PCDH15: variants seen among roughly 807,000 people sequenced by gnomAD.
PCDH15 encodes protocadherin-15.
In PCDH15, 129 loss-of-function variants were observed where a neutral mutation model predicts 178.5. That is an observed-to-expected ratio of 0.72 (90% CI 0.63 to 0.84). The LOEUF is 0.84. Among genes scored for constraint, PCDH15 ranks in the 40% least tolerant of loss-of-function variants. The probability of loss-of-function intolerance (pLI) is 0.00; values close to 1 mark genes in which losing one functional copy is unlikely to be tolerated. For synonymous variants in PCDH15, 800 were observed against 732.0 expected, an observed-to-expected ratio of 1.09 and a Z score of -1.50; for missense variants, 2,230 against 2,099.9, an observed-to-expected ratio of 1.06 and a Z score of -1.21.
chr10:55,577,550 A>G (rs1564462847), intron 2 of PCDH15, among the ~76,000 whole-genome samples: 1 of 152,188 alleles, frequency 6.6e-6, no homozygotes, highest in Non-Finnish European at 1.5e-5. Context: ...GTAAATTATT[A>G]TCAGTAACTA....
chr10:54,515,492 C>G lies in PCDH15; in HGVS notation c.157+12320G>C, dbSNP rs540783032. Among the ~76,000 whole-genome samples, 27 of 152,358 alleles carry G rather than the reference C, an allele frequency of 1.8e-4. 1 individual carries two copies. The highest frequency in any genetic ancestry group is 6.3e-4 in the African/African-American group (26 of 41,592). On this transcript the variant is annotated intron_variant, in intron 3 of 37. Coordinates refer to ENST00000644397, the MANE Select transcript of PCDH15 (RefSeq NM_001384140.1). ...AAACAAAGCAGCCAGGAAACTGGAA[C>G]TCGGTGGAGCCCACCACAGCTCAAG...
At chr10:54,366,142 C>T (rs9416326) in intron 5 of PCDH15, among the ~76,000 whole-genome samples, 6,692 of 152,140 alleles carry the variant, frequency 0.044, 493 homozygotes, top group African/African-American at 0.15. Flanking sequence ...ATTTATACTA[C>T]TGCTCCAGTT....
intron 11 of PCDH15, 58 bp from the exon 12 acceptor site, chr10:54,185,326 A>G: frequency 6.3e-7 from 1 of 1,591,856 alleles, no homozygotes; most frequent in Non-Finnish European, 8.6e-7. Context: ...CTATTAGTTC[A>G]TTACCTAGAA....
intron 15 of PCDH15, among the ~76,000 whole-genome samples, chr10:54,100,999 T>G (rs1256476884): frequency 6.6e-6 from 1 of 152,184 alleles, no homozygotes; most frequent in Admixed American, 6.5e-5. Flanking sequence ...AGATATTGGT[T>G]GATATGGCTT....
rs755647559 is a variant in PCDH15, at chr10:53,940,963, T to C, written c.3135A>G (p.Val1045=). 3 of 1,611,026 alleles carry C rather than the reference T, an allele frequency of 1.9e-6. No individual in the cohort carries two copies. The highest frequency in any genetic ancestry group is 1.1e-5 in the South Asian group (1 of 90,998). The stretch of plus-strand genomic sequence containing the variant: ...TGGTCCCTTTGGTGGCAAGTTCACT[T>C]ACTGGAGGAGGTCTGCAGGTTTAGA... The part of the protein sequence containing the change: ...FTQEEYRPPP[V]SELATKGTMV... The change falls in exon 24 of 38, where the codon GTA becomes GTG. Residue 1045 remains valine, a synonymous_variant. Transcript: ENST00000644397.
chr10:53,863,537 T>G (rs1387718988), intron 27 of PCDH15, among the ~76,000 whole-genome samples: 1 of 150,794 alleles, frequency 6.6e-6, no homozygotes, highest in East Asian at 1.9e-4. Context: ...TTAGAGGGTT[T>G]AAGAGAGGGT....
At chr10:55,350,268 T>TATATATATACAC (rs1327352441) in intron 2 of PCDH15, among the ~76,000 whole-genome samples, 1 of 56,764 alleles carries the variant, frequency 1.8e-5, no homozygotes, top group Non-Finnish European at 3.2e-5. Context: ...TATATATATA[T>TATATATATACAC]ACACACACAC....
At chr10:54,302,071 A>G (rs2060181031) in intron 8 of PCDH15, among the ~76,000 whole-genome samples, 1 of 152,182 alleles carries the variant, frequency 6.6e-6, no homozygotes, top group Admixed American at 6.6e-5. Flanking sequence ...AATCAACATA[A>G]CATACTGTTT....
intron 1 of PCDH15, among the ~76,000 whole-genome samples, chr10:54,765,042 C>T (rs527379330): frequency 5.3e-5 from 8 of 152,232 alleles, no homozygotes; most frequent in Admixed American, 4.6e-4. Flanking sequence ...TGACATACAA[C>T]ATTTGTTTGA....
At chr10:55,339,748 T>G (rs1331189841) in intron 2 of PCDH15, among the ~76,000 whole-genome samples, 1 of 152,092 alleles carries the variant, frequency 6.6e-6, no homozygotes, top group Non-Finnish European at 1.5e-5. Context: ...TTTTAGTTAA[T>G]AATTGGCCAC....
At chr10:53,925,179 T>A (rs1342025521) in intron 25 of PCDH15, among the ~76,000 whole-genome samples, 1 of 152,122 alleles carries the variant, frequency 6.6e-6, no homozygotes, top group African/African-American at 2.4e-5. Flanking sequence ...TGCTCACTCT[T>A]TGGTTCCACG....
chr10:55,327,126 C>G (rs1287191204), intron 2 of PCDH15, among the ~76,000 whole-genome samples: 2 of 151,936 alleles, frequency 1.3e-5, no homozygotes, highest in Non-Finnish European at 2.9e-5. Context: ...AGGACCAGAA[C>G]CCTCATGAAT....
intron 2 of PCDH15, among the ~76,000 whole-genome samples, chr10:55,566,745 T>C (rs545779395): frequency 6.6e-6 from 1 of 151,868 alleles, no homozygotes. Flanking sequence ...ACCTGTCTTA[T>C]AAAAGCTACA....
In PCDH15 at chr10:54,236,864, G is replaced by A. The variant is rs138299477; in HGVS notation, c.944C>T (p.Pro315Leu). ...GAGGATTCCTGGCCTATCTGATGGC[G>A]GTTGAATATTCCGGTCCTGATCAAT... ...QAIDQDRNIQ[P>L]PSDRPGILYS... Residue 315 changes from proline to leucine, a missense_variant, in exon 9 of 38, where the codon CCG (proline) becomes CTG (leucine). Coordinates refer to ENST00000644397, the MANE Select transcript of PCDH15 (RefSeq NM_001384140.1). 133 of 1,613,588 alleles carry A rather than the reference G, an allele frequency of 8.2e-5. 2 individuals are homozygous for A. In the East Asian group the frequency reaches 2.4e-3, roughly 30 times the overall value.
chr10:54,728,533 C>T (rs752601353), intron 1 of PCDH15, among the ~76,000 whole-genome samples: 1 of 151,054 alleles, frequency 6.6e-6, no homozygotes, highest in Non-Finnish European at 1.5e-5. Context: ...TGGAACAAGA[C>T]AAGGATGCCC....
At chr10:54,653,841 ATTAG>A (rs1188285287) in intron 2 of PCDH15, among the ~76,000 whole-genome samples, 1 of 152,180 alleles carries the variant, frequency 6.6e-6, no homozygotes, top group Non-Finnish European at 1.5e-5. Flanking sequence ...CAGTTAGTCA[ATTAG>A]TTAATTAAAA....
At chr10:54,381,200 A>T (rs1949195236) in intron 3 of PCDH15, among the ~76,000 whole-genome samples, 1 of 152,102 alleles carries the variant, frequency 6.6e-6, no homozygotes. Flanking sequence ...AATTAACCTA[A>T]GTGTTCACTC....
At chr10:55,491,341 A>T (rs1358308053) in intron 2 of PCDH15, among the ~76,000 whole-genome samples, 1 of 151,702 alleles carries the variant, frequency 6.6e-6, no homozygotes, top group Non-Finnish European at 1.5e-5. Flanking sequence ...ACTGGGTCTC[A>T]CTTCTCCCAC....
rs79636097 is a variant in PCDH15 at position 55,329,973 on chromosome 10, T to C, written c.-155-163322A>G. Among the ~76,000 whole-genome samples the C allele has an allele frequency of 5.2e-3, 792 of 151,938 alleles. 11 individuals carry two copies. Among genetic ancestry groups the C allele is most frequent in the African/African-American group, 0.018 (744 of 41,546 alleles). On this transcript the variant is annotated intron_variant, in intron 2 of 5. Coordinates refer to the PCDH15 transcript ENST00000613346. The stretch of plus-strand genomic sequence containing the variant: ...GACATGCTATGAACTGCCATTTTAC[T>C]GAGTCACATTACTTTCTTTCACTGT...
Sources: allele counts gnomAD v4.1 joint callset (sites outside exome capture counted in the v4.1 genomes callset), GRCh38; gene constraint gnomAD v4.1.1; transcripts MANE v1.5; gene names NCBI Gene and HGNC (gene_info 2026-07-23, HGNC 2026-07-21).